The following BAHCC1 variants were observed in gnomAD, a reference collection of about 807,000 sequenced individuals.
The protein encoded by BAHCC1 is BAH domain and coiled-coil containing 1, also known as BAH and coiled-coil domain-containing protein 1.
A neutral mutation model predicts 88.2 loss-of-function variants in BAHCC1; 43 were observed. The observed-to-expected ratio is 0.49, with a 90% CI of 0.38 to 0.63. The LOEUF is 0.63. Ranked by LOEUF, BAHCC1 falls within the 20% of genes least tolerant of loss-of-function variation. The probability of loss-of-function intolerance (pLI) is 0.00; values close to 1 mark genes in which losing one functional copy is unlikely to be tolerated. For missense variants in BAHCC1, 3,023 were observed against 1,654.8 expected (o/e 1.83, Z -14.34); for synonymous variants, 1,510 against 745.5 (o/e 2.03, Z -16.71).
Position 81,444,619 on chromosome 17 carries a change from C to T in BAHCC1, c.2513-49C>T, listed in dbSNP as rs371673928. ...GCCTGGGGCTGATGAGGGTTCCCTC[C>T]TGGTCCCCGAGAGTGCGAGGCCTGA... On this transcript the variant is annotated intron_variant, in intron 7 of 27. Transcript: ENST00000675386. 3.7e-4 allele frequency: 276 copies of T among 755,814 alleles called. No individual in the cohort carries two copies. In the African/African-American group the frequency reaches 4.1e-3, roughly 11 times the overall value. 46.8% of individuals were successfully genotyped at this position (755,814 alleles called of 1,614,324 possible).
At chr17:81,454,557 C>CGCCTGCCCCT (rs2064709279) in intron 14 of BAHCC1, among the ~76,000 whole-genome samples, 3 of 141,450 alleles carry the variant, frequency 2.1e-5, no homozygotes, top group Non-Finnish European at 3.2e-5. Flanking sequence ...CCACCCCACC[C>CGCCTGCCCCT]ACCTGCCCCT....
chr17:81,426,070 G>A (rs1405980485), intron 2 of BAHCC1, among the ~76,000 whole-genome samples: 1 of 109,270 alleles, frequency 9.2e-6, no homozygotes, highest in South Asian at 3.6e-4. Flanking sequence ...TGGGTGATGT[G>A]GTTGGTGGTG....
chr17:81,425,162 T>TGGTTGGTGGTGATAGTGGTGGGTGA (rs2064165193), intron 2 of BAHCC1, among the ~76,000 whole-genome samples: 1 of 15,144 alleles, frequency 6.6e-5, no homozygotes, highest in African/African-American at 3.6e-4. Flanking sequence ...ATGGTGGGTG[T>TGGTTGGTGGTGATAGTGGTGGGTGA]TGTGGTTGGT....
chr17:81,409,328 G>A (rs1441106784), intron 2 of BAHCC1, among the ~76,000 whole-genome samples: 11 of 144,642 alleles, frequency 7.6e-5, no homozygotes, highest in African/African-American at 2.7e-4. Flanking sequence ...GCCACACGAG[G>A]TGGTGGGAGA....
intron 3 of BAHCC1, among the ~76,000 whole-genome samples, chr17:81,433,773 C>T (rs1598479079): frequency 1.3e-5 from 2 of 152,194 alleles, no homozygotes; most frequent in African/African-American, 4.8e-5. Flanking sequence ...CTCAGGGCAG[C>T]CATCATCCGT....
intron 1 of BAHCC1, among the ~76,000 whole-genome samples, chr17:81,398,130 C>A (rs897913475): frequency 2.6e-5 from 4 of 152,266 alleles, no homozygotes; most frequent in Admixed American, 2.0e-4. Context: ...GAATATCAAG[C>A]CTATCCATCT....
intron 2 of BAHCC1, among the ~76,000 whole-genome samples, chr17:81,416,539 GTT>G (rs372492475): frequency 4.8e-4 from 22 of 46,282 alleles, no homozygotes; most frequent in South Asian, 1.3e-3. Context: ...GTGTGTGCGT[GTT>G]TGTGTGTACA....
In BAHCC1 at chr17:81,458,273, G is replaced by T; in HGVS notation, c.5150G>T (p.Gly1717Val). 1 of 747,660 alleles carries T rather than the reference G, an allele frequency of 1.3e-6. No homozygotes were observed. The highest frequency in any genetic ancestry group is 1.4e-5 in the South Asian group (1 of 69,904). The allele number at this position is 747,660 out of a possible 1,614,324, so 46.3% of individuals were successfully genotyped here. Reference sequence around the variant, plus strand: ...CGGGCCCCAGGGCAGAGGCCCCCAGGTGCGCTGGGCAAGAAGAAAGCCAAG... The same window carrying T: ...CGGGCCCCAGGGCAGAGGCCCCCAGTTGCGCTGGGCAAGAAGAAAGCCAAG... ...LERAPGQRPP[G>V]ALGKKKAKGK... The change falls in exon 18 of 28, where the codon GGT (glycine) becomes GTT (valine). Residue 1717 changes from glycine (G) to valine (V), a missense_variant. Transcript: ENST00000675386.
chr17:81,433,818 G>C (rs781912693), intron 3 of BAHCC1, among the ~76,000 whole-genome samples: 1 of 152,244 alleles, frequency 6.6e-6, no homozygotes, highest in Non-Finnish European at 1.5e-5. Context: ...ATGCGGACAG[G>C]GTTTCAGAAT....
Position 81,461,540 on chromosome 17 carries a change from T to G in BAHCC1, c.6877T>G (p.Ser2293Ala), listed in dbSNP as rs782120504. 1.4e-5 allele frequency: 10 copies of G among 731,582 alleles called. No homozygotes were observed. The South Asian group carries it at 1.5e-4, about 11-fold the overall frequency. 45.3% of individuals were successfully genotyped at this position (731,582 alleles called of 1,614,324 possible). Residue 2293 changes from serine (S) to alanine (A), a missense_variant, in exon 26 of 28, where the codon TCG (serine) becomes GCG (alanine). By Grantham distance (99) the Ser-to-Ala change is moderately conservative (BLOSUM62 1). Coordinates refer to ENST00000675386, the MANE Select transcript of BAHCC1 (RefSeq NM_001377448.1). Reference protein sequence around the residue: ...PYDSDCHSSFSDEDEDGPGLA... With the variant: ...PYDSDCHSSFADEDEDGPGLA... ...CGACAGCGACTGCCACAGCTCCTTC[T>G]CGGACGAGGACGAGGACGGGCCGGG... is the stretch of plus-strand genomic sequence containing the variant.
At chr17:81,457,739 C>T (rs1410159824) in intron 17 of BAHCC1, 147 bp downstream of exon 17, 3 of 433,290 alleles carry the variant, frequency 6.9e-6, no homozygotes, top group East Asian at 4.5e-5. Context: ...GCAGGGGTTG[C>T]TGGGTAACCA....
At chr17:81,438,873 G>A (rs1480404927) in intron 4 of BAHCC1, among the ~76,000 whole-genome samples, 1 of 152,078 alleles carries the variant, frequency 6.6e-6, no homozygotes, top group Admixed American at 6.5e-5. Flanking sequence ...GATGCATCCT[G>A]TGGGGGCTGG....
Position 81,460,905 on chromosome 17 carries a change from C to T in BAHCC1, c.6242C>T (p.Thr2081Met), listed in dbSNP as rs553612718. The change falls in exon 26 of 28, where the codon ACG becomes ATG. Residue 2081 changes from threonine (T) to methionine (M), a missense_variant. By Grantham distance (81) the Thr-to-Met change is moderately conservative (BLOSUM62 -1). Transcript: ENST00000675386. Reference protein sequence around the residue: ...ELLTSGAKSPTGASDHFLGRR... With the variant: ...ELLTSGAKSPMGASDHFLGRR... Reference sequence around the variant, plus strand: ...CTAACCTCAGGTGCCAAATCCCCCACGGGGGCCTCCGACCACTTCCTGGGC... The same window carrying T: ...CTAACCTCAGGTGCCAAATCCCCCATGGGGGCCTCCGACCACTTCCTGGGC... The T allele has an allele frequency of 1.0e-5, 8 of 767,674 alleles. No homozygotes were observed. The highest frequency in any genetic ancestry group is 2.7e-5 in the South Asian group (2 of 74,626). The allele number at this position is 767,674 out of a possible 1,614,324, so 47.6% of individuals were successfully genotyped here.
intron 10 of BAHCC1, 36 bp downstream of exon 10, chr17:81,445,717 C>T (rs534934871): frequency 3.1e-5 from 22 of 709,496 alleles, no homozygotes; most frequent in East Asian, 2.1e-4. Context: ...CACTGTGCTC[C>T]GCTCCAAGCC....
chr17:81,450,755 C>T (rs111822539), intron 11 of BAHCC1, among the ~76,000 whole-genome samples: 2,245 of 152,288 alleles, frequency 0.015, 74 homozygotes, highest in African/African-American at 0.051. Flanking sequence ...AACCCCTGCC[C>T]GCTGCCCTCC....
intron 3 of BAHCC1, among the ~76,000 whole-genome samples, chr17:81,433,011 C>T (rs1192959505): frequency 1.3e-5 from 2 of 148,812 alleles, no homozygotes; most frequent in East Asian, 2.0e-4. Context: ...CCCATGGGAA[C>T]CTGGCACCTG....
intron 3 of BAHCC1, among the ~76,000 whole-genome samples, chr17:81,436,705 C>A (rs1235955293): frequency 6.6e-6 from 1 of 152,192 alleles, no homozygotes; most frequent in African/African-American, 2.4e-5. Context: ...CAGACCAGGC[C>A]AGTCGGCCAG....
intron 2 of BAHCC1, among the ~76,000 whole-genome samples, chr17:81,420,972 C>A (rs1295135266): frequency 6.6e-6 from 1 of 152,220 alleles, no homozygotes; most frequent in African/African-American, 2.4e-5. Context: ...GGGCCTGGAC[C>A]AGCAACTTAG....
rs1555654084 is a variant in BAHCC1, at chr17:81,445,489, C to T, written c.2971C>T (p.Pro991Ser). ...ACCCGCTGCAGGCCCCACCAAGCTG[C>T]CACCTTGCTGCCATCCGCCCGACCC... ...PSPAAGPTKL[P>S]PCCHPPDPKP... Residue 991 changes from proline (P) to serine (S), a missense_variant, in exon 10 of 28, where the codon CCA (proline) becomes TCA (serine). Coordinates refer to ENST00000675386, the MANE Select transcript of BAHCC1 (RefSeq NM_001377448.1). 1 of 750,616 alleles carries T rather than the reference C, an allele frequency of 1.3e-6. No homozygotes were observed. Among genetic ancestry groups the T allele is most frequent in the Admixed American group, 1.8e-5 (1 of 55,504 alleles). 46.5% of individuals were successfully genotyped at this position (750,616 alleles called of 1,614,324 possible). A position where few individuals can be genotyped will look rare whatever the true frequency, so the allele number is the denominator to read the frequency against.
Sources: allele counts gnomAD v4.1 joint callset (sites outside exome capture counted in the v4.1 genomes callset), GRCh38; gene constraint gnomAD v4.1.1; transcripts MANE v1.5; gene names NCBI Gene and HGNC (gene_info 2026-07-23, HGNC 2026-07-21).